Variants in ENPP6 observed in about 807,000 individuals in gnomAD.
The protein encoded by ENPP6 is glycerophosphocholine cholinephosphodiesterase ENPP6.
In ENPP6, 32 loss-of-function variants were observed where a neutral mutation model predicts 42.0. That is an observed-to-expected ratio of 0.76 (90% CI 0.58 to 1.02). The LOEUF is 1.02. Ranked by LOEUF, ENPP6 falls within the 50% of genes least tolerant of loss-of-function variation. The pLI is 0.00. For synonymous variants in ENPP6, 213 were observed against 216.0 expected, an observed-to-expected ratio of 0.99 and a Z score of 0.12; for missense variants, 552 against 566.8, an observed-to-expected ratio of 0.97 and a Z score of 0.27.
chr4:184,179,920 G>C (rs1161304647), intron 1 of ENPP6, among the ~76,000 whole-genome samples: 1 of 110,586 alleles, frequency 9.0e-6, no homozygotes, highest in Admixed American at 1.1e-4. Context: ...TGAAAAGCTA[G>C]AAAGATCTCA....
At chr4:184,117,684 C>CTTGCTTCTT in intron 4 of ENPP6, 75 bp downstream of exon 4, 5 of 1,581,786 alleles carry the variant, frequency 3.2e-6, no homozygotes, top group Non-Finnish European at 4.3e-6. Flanking sequence ...AAGATGTTGA[C>CTTGCTTCTT]AGGAGTGACT....
intron 2 of ENPP6, among the ~76,000 whole-genome samples, chr4:184,127,912 G>C (rs187164428): frequency 6.6e-6 from 1 of 152,294 alleles, no homozygotes; most frequent in African/African-American, 2.4e-5. Context: ...TTGGGAGAGA[G>C]TGCCAGGGAA....
chr4:184,155,336 G>A (rs1223300442), intron 1 of ENPP6, among the ~76,000 whole-genome samples: 1 of 152,144 alleles, frequency 6.6e-6, no homozygotes, highest in African/African-American at 2.4e-5. Flanking sequence ...TTATCCTAAT[G>A]ATGCTTACTC....
rs116608926 is a variant in ENPP6, at chr4:184,175,563, G to A, written c.242-21830C>T. On this transcript the variant is annotated intron_variant, in intron 1 of 7. Coordinates refer to ENST00000296741, the MANE Select transcript of ENPP6 (RefSeq NM_153343.4). ...GGGGGCATTTTATCACCTTTGGGAA[G>A]AAGCACAGCCATCACTAGGCACAGA... Among the ~76,000 whole-genome samples, 1,277 of 152,250 alleles carry A rather than the reference G, an allele frequency of 8.4e-3. 13 individuals carry two copies. The highest frequency in any genetic ancestry group is 0.013 in the Non-Finnish European group (912 of 68,012).
intron 1 of ENPP6, among the ~76,000 whole-genome samples, chr4:184,169,415 G>A (rs1220914887): frequency 6.6e-6 from 1 of 152,176 alleles, no homozygotes; most frequent in Non-Finnish European, 1.5e-5. Context: ...CGCGGGGAGG[G>A]CAGCAGGGGA....
chr4:184,126,239 T>A (rs1274429748), intron 2 of ENPP6, among the ~76,000 whole-genome samples: 1 of 152,244 alleles, frequency 6.6e-6, no homozygotes, highest in Non-Finnish European at 1.5e-5. Context: ...TACCTTTACT[T>A]AAATAAAATG....
chr4:184,120,819 C>T (rs1001228680), intron 3 of ENPP6, among the ~76,000 whole-genome samples: 3 of 152,170 alleles, frequency 2.0e-5, no homozygotes, highest in South Asian at 2.1e-4. Flanking sequence ...CAAAGAGGCG[C>T]GTCTGGACTC....
At chr4:184,178,551 A>G (rs765029518) in intron 1 of ENPP6, among the ~76,000 whole-genome samples, 6 of 152,186 alleles carry the variant, frequency 3.9e-5, no homozygotes, top group Non-Finnish European at 7.4e-5. Context: ...GAGAAGATCA[A>G]CCAACCCTAA....
At chr4:184,127,785 C>A (rs1736528990) in intron 2 of ENPP6, among the ~76,000 whole-genome samples, 1 of 152,030 alleles carries the variant, frequency 6.6e-6, no homozygotes. Context: ...ATCGTTAAGC[C>A]TAAGTGATAA....
intron 1 of ENPP6, among the ~76,000 whole-genome samples, chr4:184,213,921 T>A: frequency 1.8e-5 from 2 of 111,920 alleles, no homozygotes; most frequent in African/African-American, 3.1e-5. Flanking sequence ...TAAAAAATGA[T>A]GAGTTCATGT....
intron 2 of ENPP6, among the ~76,000 whole-genome samples, chr4:184,147,190 G>A (rs1488906676): frequency 1.3e-5 from 2 of 152,162 alleles, no homozygotes; most frequent in East Asian, 1.9e-4. Context: ...GCCTGTCACC[G>A]TCCAATCCCT....
intron 5 of ENPP6, among the ~76,000 whole-genome samples, 172 bp from the exon 6 acceptor site, chr4:184,112,981 A>G (rs1736228507): frequency 6.6e-6 from 1 of 152,226 alleles, no homozygotes; most frequent in Non-Finnish European, 1.5e-5. Context: ...TCAAAAAGCA[A>G]GGTGGCTTCA....
chr4:184,166,376 G>A (rs1235231591), intron 1 of ENPP6, among the ~76,000 whole-genome samples: 1 of 152,132 alleles, frequency 6.6e-6, no homozygotes, highest in East Asian at 1.9e-4. Context: ...ATTGTTTTGA[G>A]GTCATTGGAC....
At chr4:184,156,738 G>T (rs754589816) in intron 1 of ENPP6, among the ~76,000 whole-genome samples, 2 of 152,226 alleles carry the variant, frequency 1.3e-5, no homozygotes, top group African/African-American at 4.8e-5. Flanking sequence ...TCCTGGAATC[G>T]TTCCCATAGC....
At chr4:184,142,822 T>G (rs2111369551) in intron 2 of ENPP6, among the ~76,000 whole-genome samples, 1 of 152,328 alleles carries the variant, frequency 6.6e-6, no homozygotes, top group Non-Finnish European at 1.5e-5. Flanking sequence ...GGCCGCGCTT[T>G]CATCTCTCTA....
At position 184,210,810 on chromosome 4, in the gene ENPP6, A is replaced by G. The variant is rs536531719; in HGVS notation, c.241+6769T>C. Among the ~76,000 whole-genome samples, 4 of 152,282 alleles carry G rather than the reference A, an allele frequency of 2.6e-5. No homozygotes were observed. In the East Asian group the frequency reaches 5.8e-4, roughly 22 times the overall value. ...TTTTTTTCAGCACCACACAACACCT[A>G]TTCCAAAATTGACCACATACTTGGA... On this transcript the variant is annotated intron_variant, in intron 1 of 7. Coordinates refer to ENST00000296741, the MANE Select transcript of ENPP6 (RefSeq NM_153343.4).
chr4:184,207,991 C>A (rs1056930939), intron 1 of ENPP6, among the ~76,000 whole-genome samples: 1 of 114,994 alleles, frequency 8.7e-6, no homozygotes, highest in African/African-American at 3.0e-5. Flanking sequence ...TGGAATAGCC[C>A]GCTCTAATGG....
intron 1 of ENPP6, among the ~76,000 whole-genome samples, chr4:184,209,273 C>T (rs1432467607): frequency 8.7e-5 from 13 of 149,590 alleles, no homozygotes; most frequent in African/African-American, 2.5e-4. Context: ...AGGCTTCAGA[C>T]GATCAAATTA....
intron 1 of ENPP6, among the ~76,000 whole-genome samples, chr4:184,201,096 G>A (rs1732888077): frequency 6.6e-6 from 1 of 152,142 alleles, no homozygotes; most frequent in Non-Finnish European, 1.5e-5. Flanking sequence ...TATCCAACAA[G>A]AGTCAAACAC....
Sources: allele counts gnomAD v4.1 joint callset (sites outside exome capture counted in the v4.1 genomes callset), GRCh38; gene constraint gnomAD v4.1.1; transcripts MANE v1.5; gene names NCBI Gene and HGNC (gene_info 2026-07-23, HGNC 2026-07-21).